DACH2: variants seen among roughly 807,000 people sequenced by gnomAD.
The protein encoded by DACH2 is dachshund family transcription factor 2, also known as dachshund homolog 2.
DACH2 carries 17 observed loss-of-function variants against 35.8 expected under a neutral mutation model. That is an observed-to-expected ratio of 0.48 (90% confidence interval 0.33 to 0.71). The LOEUF is 0.71. Among genes scored for constraint, DACH2 ranks in the 30% least tolerant of loss-of-function variants. The pLI is 0.02. For synonymous variants in DACH2, 195 were observed against 177.3 expected (o/e 1.10, Z -0.79); for missense variants, 469 against 472.7 (o/e 0.99, Z 0.07).
chrX:86,383,253 T>C (rs192622807), intron 2 of DACH2, among the ~76,000 whole-genome samples: 1 of 109,947 alleles, frequency 9.1e-6, no homozygotes, highest in Non-Finnish European at 1.9e-5. Flanking sequence ...GACAAGATTA[T>C]TGGGAAATTA....
In DACH2 at chrX:86,216,093, C is replaced by T. The variant is rs1026790891; in HGVS notation, c.488+66985C>T. 4.5e-5 allele frequency among the ~76,000 whole-genome samples: 5 copies of T among 111,853 alleles called. No individual in the cohort carries two copies. In the South Asian group the frequency reaches 1.1e-3, roughly 25 times the overall value. ...ATTTTTTGTGCATGATGGCAACCACCTTTAAATACATTATTGATCTCAAAT... is the reference window on the plus strand; with the variant it reads ...ATTTTTTGTGCATGATGGCAACCACTTTTAAATACATTATTGATCTCAAAT... On this transcript the variant is annotated intron_variant, in intron 1 of 11. Transcript: ENST00000373125.
At chrX:86,362,692 T>G (rs1420992691) in intron 1 of DACH2, among the ~76,000 whole-genome samples, 1 of 111,061 alleles carries the variant, frequency 9.0e-6, no homozygotes, top group Non-Finnish European at 1.9e-5. Context: ...ACATTTAATC[T>G]CTCCCTTTTC....
intron 1 of DACH2, among the ~76,000 whole-genome samples, chrX:86,268,164 G>A (rs1250916710): frequency 8.9e-6 from 1 of 112,103 alleles, no homozygotes; most frequent in Non-Finnish European, 1.9e-5. Flanking sequence ...TTTATTATGT[G>A]CCAAAGGGCC....
At chrX:86,608,713 T>A (rs1380548724) in intron 3 of DACH2, among the ~76,000 whole-genome samples, 2 of 111,778 alleles carry the variant, frequency 1.8e-5, no homozygotes, top group East Asian at 5.7e-4. Flanking sequence ...TTTCACCAGA[T>A]ATATTACTCC....
chrX:86,312,102 A>T (rs1301137954), intron 1 of DACH2, among the ~76,000 whole-genome samples: 1 of 112,116 alleles, frequency 8.9e-6, no homozygotes, highest in Non-Finnish European at 1.9e-5. Flanking sequence ...GAAGGTAGTC[A>T]TCGTTACCAG....
At chrX:86,792,397 G>A (rs1157897845) in intron 7 of DACH2, among the ~76,000 whole-genome samples, 1 of 111,312 alleles carries the variant, frequency 9.0e-6, no homozygotes, top group Non-Finnish European at 1.9e-5. Context: ...CTCTCTTCTA[G>A]CTATTTTGCA....
intron 6 of DACH2, among the ~76,000 whole-genome samples, chrX:86,733,433 A>T (rs1028848655): frequency 8.9e-6 from 1 of 112,057 alleles, no homozygotes; most frequent in African/African-American, 3.2e-5. Context: ...AACTATTAGC[A>T]TGTGTAGCTA....
At chrX:86,578,423 A>G (rs1023489327) in intron 3 of DACH2, among the ~76,000 whole-genome samples, 2 of 111,031 alleles carry the variant, frequency 1.8e-5, no homozygotes, top group African/African-American at 3.3e-5. Flanking sequence ...ATATTGATAC[A>G]TTATTTGTCA....
chrX:86,208,099 T>C (rs767881069), intron 1 of DACH2, among the ~76,000 whole-genome samples: 1 of 111,139 alleles, frequency 9.0e-6, no homozygotes, highest in South Asian at 3.8e-4. Flanking sequence ...GTGGTAGTCA[T>C]ATTTTGTTAC....
At chrX:86,443,387 T>A in intron 2 of DACH2, among the ~76,000 whole-genome samples, 1 of 112,074 alleles carries the variant, frequency 8.9e-6, no homozygotes, top group Middle Eastern at 4.6e-3. Flanking sequence ...GCAACTTTGC[T>A]GAAATCATTT....
chrX:86,196,609 C>T (rs5923500), intron 1 of DACH2, among the ~76,000 whole-genome samples: 40,937 of 95,457 alleles, frequency 0.43, 7,739 homozygotes, highest in Middle Eastern at 0.57. Flanking sequence ...AGGAGAATGG[C>T]GTGAACCCAG....
At chrX:86,476,100 G>T (rs190994157) in intron 2 of DACH2, among the ~76,000 whole-genome samples, 1 of 111,647 alleles carries the variant, frequency 9.0e-6, no homozygotes, top group South Asian at 3.7e-4. Context: ...GAGGATTTTT[G>T]CATCATTTTT....
At chrX:86,773,718 G>A (rs1230116946) in intron 7 of DACH2, among the ~76,000 whole-genome samples, 1 of 111,484 alleles carries the variant, frequency 9.0e-6, no homozygotes, top group Non-Finnish European at 1.9e-5. Flanking sequence ...GTGGCACTGG[G>A]AAAAGGCAAT....
rs186415752 is a variant in DACH2, at chrX:86,628,712, A to C, written c.641-22324A>C. 7.1e-5 allele frequency among the ~76,000 whole-genome samples: 8 copies of C among 112,268 alleles called. 1 individual carries two copies. The Admixed American group carries it at 7.6e-4, about 11-fold the overall frequency. On this transcript the variant is annotated intron_variant, in intron 3 of 11. Transcript: ENST00000373125. ...CATAGTAGTTGCTCTCTGCAGCAAC[A>C]GAGCATGACACTGGTTGAGAATCAC...
intron 2 of DACH2, among the ~76,000 whole-genome samples, chrX:86,401,984 A>T (rs2036442222): frequency 8.9e-6 from 1 of 111,932 alleles, no homozygotes; most frequent in African/African-American, 3.2e-5. Context: ...AAAATCCAAC[A>T]TTACTTTGTG....
At chrX:86,316,199 A>G (rs1216688267) in intron 1 of DACH2, among the ~76,000 whole-genome samples, 2 of 109,434 alleles carry the variant, frequency 1.8e-5, no homozygotes, top group Admixed American at 2.0e-4. Context: ...TTACAGCTGC[A>G]GGCATCCCCC....
chrX:86,703,514 A>T (rs1004040750), intron 5 of DACH2, among the ~76,000 whole-genome samples: 6 of 111,750 alleles, frequency 5.4e-5, no homozygotes, highest in African/African-American at 1.9e-4. Context: ...TTGTATACGT[A>T]GAAAACCCTA....
chrX:86,700,403 G>T (rs1429695274), intron 5 of DACH2, among the ~76,000 whole-genome samples: 1 of 110,672 alleles, frequency 9.0e-6, no homozygotes, highest in East Asian at 2.8e-4. Context: ...TTTCATCATA[G>T]TTCTCTAAGA....
At chrX:86,560,491 T>G (rs1385919518) in intron 3 of DACH2, among the ~76,000 whole-genome samples, 2 of 107,662 alleles carry the variant, frequency 1.9e-5, no homozygotes, top group African/African-American at 6.9e-5. Context: ...TTGGCCTGCC[T>G]TGCTAGATTG....
Sources: gnomAD v4.1 joint callset for allele counts (sites outside exome capture counted in the v4.1 genomes callset) on GRCh38, gnomAD v4.1.1 for gene constraint, MANE v1.5 for transcripts, NCBI Gene and HGNC (gene_info 2026-07-23, HGNC 2026-07-21) for gene names.